The following ATOSA variants were observed in gnomAD, a reference collection of about 807,000 sequenced individuals.
The protein encoded by ATOSA is atos homolog protein A.
chr15:52,671,222 A>C, the ATOSA span, among the ~76,000 whole-genome samples: 9,966 of 152,294 alleles, frequency 0.065, 503 homozygotes, highest in East Asian at 0.26. Flanking sequence ...TGATTAATTA[A>C]GAAATATAAC....
At chr15:52,623,361 G>A in the ATOSA span, among the ~76,000 whole-genome samples, 1 of 152,050 alleles carries the variant, frequency 6.6e-6, no homozygotes, top group Admixed American at 6.6e-5. Context: ...GGGAAAGAAT[G>A]AAAGTAGCTA....
chr15:52,681,225 C>T, the ATOSA span, among the ~76,000 whole-genome samples: 1 of 152,148 alleles, frequency 6.6e-6, no homozygotes, highest in African/African-American at 2.4e-5. Context: ...ATCATTATGG[C>T]AGCAGAAAAA....
the ATOSA span, chr15:52,611,869 T>C: frequency 1.7e-6 from 2 of 1,165,028 alleles, no homozygotes; most frequent in African/African-American, 1.5e-5. Context: ...TAGACATCTG[T>C]GTGAGAAATG....
chr15:52,656,730 T>C, the ATOSA span: 2 of 152,254 alleles, frequency 1.3e-5, no homozygotes, highest in South Asian at 2.1e-4. Context: ...TAATAATATC[T>C]TGTATACACA....
the ATOSA span, chr15:52,601,190 ATAT>A: frequency 7.0e-7 from 1 of 1,436,600 alleles, no homozygotes; most frequent in Non-Finnish European, 9.3e-7. Context: ...ATCATTTGTG[ATAT>A]TAAAAAAAAA....
the ATOSA span, among the ~76,000 whole-genome samples, chr15:52,653,209 A>G: frequency 6.6e-6 from 1 of 152,080 alleles, no homozygotes; most frequent in African/African-American, 2.4e-5. Context: ...GGGGTTAGGG[A>G]GTGGAGTCTG....
At chr15:52,697,651 C>G in the ATOSA span, among the ~76,000 whole-genome samples, 7 of 151,696 alleles carry the variant, frequency 4.6e-5, no homozygotes, top group African/African-American at 1.7e-4. Flanking sequence ...TGTTTGCAAA[C>G]CAGACTAGAA....
the ATOSA span, among the ~76,000 whole-genome samples, chr15:52,652,680 T>C: frequency 9.7e-4 from 148 of 152,314 alleles, 3 homozygotes; most frequent in East Asian, 0.018. Flanking sequence ...AAGGAAAAAT[T>C]ATCAGTTACT....
chr15:52,707,079 A>G, the ATOSA span, among the ~76,000 whole-genome samples: 1 of 152,228 alleles, frequency 6.6e-6, no homozygotes, highest in African/African-American at 2.4e-5. Context: ...AAATGGCGGT[A>G]AAGACTTCCT....
the ATOSA span, among the ~76,000 whole-genome samples, chr15:52,646,076 C>T: frequency 6.6e-6 from 1 of 152,188 alleles, no homozygotes; most frequent in Non-Finnish European, 1.5e-5. Context: ...ATGGTTACAA[C>T]ATAGGCTGGT....
At chr15:52,665,401 A>AG in the ATOSA span, among the ~76,000 whole-genome samples, 1 of 152,188 alleles carries the variant, frequency 6.6e-6, no homozygotes, top group Non-Finnish European at 1.5e-5. Flanking sequence ...GTAATTAGTC[A>AG]TTTTCTTTCA....
At chr15:52,627,397 C>T in the ATOSA span, among the ~76,000 whole-genome samples, 4 of 152,234 alleles carry the variant, frequency 2.6e-5, no homozygotes, top group South Asian at 8.3e-4. Flanking sequence ...AGTACAGGGG[C>T]CAGGTCTAAA....
At chr15:52,646,842 GT>G in the ATOSA span, among the ~76,000 whole-genome samples, 3 of 152,124 alleles carry the variant, frequency 2.0e-5, no homozygotes, top group East Asian at 1.9e-4. Context: ...ATATAGATGT[GT>G]TTTTCCCCCT....
chr15:52,582,182 G>A, the ATOSA span: 1 of 1,582,320 alleles, frequency 6.3e-7, no homozygotes, highest in South Asian at 1.2e-5. Context: ...CTGAGGGTTT[G>A]TTGGTGATTC....
At chr15:52,676,640 A>T in the ATOSA span, among the ~76,000 whole-genome samples, 7,433 of 152,272 alleles carry the variant, frequency 0.049, 322 homozygotes, top group East Asian at 0.24. Context: ...TTTAAGGTGA[A>T]AACTTCTTTG....
chr15:52,705,309 A>G, the ATOSA span, among the ~76,000 whole-genome samples: 1 of 152,020 alleles, frequency 6.6e-6, no homozygotes, highest in Non-Finnish European at 1.5e-5. Context: ...GAACAATGAG[A>G]ACACATGGAC....
At chr15:52,696,739 A>G in the ATOSA span, among the ~76,000 whole-genome samples, 1 of 152,134 alleles carries the variant, frequency 6.6e-6, no homozygotes, top group Admixed American at 6.6e-5. Context: ...ACCTACCACT[A>G]GATTTTTTTA....
the ATOSA span, chr15:52,678,048 G>A: frequency 1.2e-6 from 2 of 1,613,978 alleles, no homozygotes; most frequent in Admixed American, 1.7e-5. Context: ...CGCCCAGAGT[G>A]CTGTGAAATG....
At chr15:52,707,244 C>T in the ATOSA span, among the ~76,000 whole-genome samples, 1 of 152,168 alleles carries the variant, frequency 6.6e-6, no homozygotes, top group Admixed American at 6.5e-5. Flanking sequence ...TTTACACGGT[C>T]TCATTGTCTT....
Sources: allele counts gnomAD v4.1 joint callset (sites outside exome capture counted in the v4.1 genomes callset), GRCh38; gene constraint gnomAD v4.1.1; transcripts MANE v1.5; gene names NCBI Gene and HGNC (gene_info 2026-07-23, HGNC 2026-07-21).